The following SCFD1 variants were observed in gnomAD, a reference collection of about 807,000 sequenced individuals.
The protein encoded by SCFD1 is sec1 family domain-containing protein 1.
Under a neutral mutation model 103.2 loss-of-function variants are expected in SCFD1, and 37 were observed. The observed-to-expected ratio is 0.36, with a 90% CI of 0.28 to 0.47. The LOEUF (loss-of-function observed/expected upper bound fraction) is 0.47, where lower values mean the gene tolerates loss of function less well. Among genes scored for constraint, SCFD1 ranks in the 20% least tolerant of loss-of-function variants. The pLI, the probability that SCFD1 is intolerant of heterozygous loss-of-function variation, is 1.00. For synonymous variants in SCFD1, 264 were observed against 245.0 expected, an observed-to-expected ratio of 1.08 and a Z score of -0.73; for missense variants, 639 against 761.2, an observed-to-expected ratio of 0.84 and a Z score of 1.89.
intron 14 of SCFD1, among the ~76,000 whole-genome samples, chr14:30,694,222 A>G (rs935121598): frequency 6.6e-6 from 1 of 152,234 alleles, no homozygotes; most frequent in East Asian, 1.9e-4. Flanking sequence ...GTAACTAATT[A>G]ATACAATAAG....
intron 19 of SCFD1, among the ~76,000 whole-genome samples, chr14:30,714,644 A>C (rs924833394): frequency 6.6e-6 from 1 of 152,244 alleles, no homozygotes; most frequent in African/African-American, 2.4e-5. Context: ...GAAAATCCTT[A>C]TATAATAGTA....
At chr14:30,700,802 T>C (rs1199207685) in intron 16 of SCFD1, among the ~76,000 whole-genome samples, 2 of 152,272 alleles carry the variant, frequency 1.3e-5, no homozygotes, top group Non-Finnish European at 2.9e-5. Flanking sequence ...TTTTAAGTTG[T>C]TGGAATGTAA....
chr14:30,639,925 A>G, intron 6 of SCFD1, 61 bp downstream of exon 6: 6 of 1,492,942 alleles, frequency 4.0e-6, no homozygotes, highest in Non-Finnish European at 5.4e-6. Flanking sequence ...TACTGTAAGA[A>G]AAAAAGTGAA....
At chr14:30,731,738 T>G (rs1365829202) in intron 23 of SCFD1, among the ~76,000 whole-genome samples, 1 of 152,238 alleles carries the variant, frequency 6.6e-6, no homozygotes, top group African/African-American at 2.4e-5. Flanking sequence ...GCTTATCTGC[T>G]TAAGGAGATT....
In SCFD1 at chr14:30,644,828, CTTTAG is replaced by C. The variant is rs556387199; in HGVS notation, c.613+1428_613+1432del. On this transcript the variant is annotated intron_variant, in intron 7 of 24. Coordinates refer to ENST00000458591, the MANE Select transcript of SCFD1 (RefSeq NM_016106.4). The stretch of plus-strand genomic sequence containing the variant: ...TAGTTTGTTTTGCTGTGCAGAAGCT[CTTTAG>C]TTTAATTAGGTCCAATTTGTCTGTT... Among the ~76,000 whole-genome samples, 744 of 152,176 alleles carry C rather than the reference CTTTAG, an allele frequency of 4.9e-3. 1 individual carries two copies. Among genetic ancestry groups the C allele is most frequent in the Admixed American group, 6.6e-3 (101 of 15,278 alleles).
intron 4 of SCFD1, among the ~76,000 whole-genome samples, chr14:30,636,956 A>G (rs1234100060): frequency 2.0e-5 from 3 of 152,060 alleles, no homozygotes; most frequent in African/African-American, 2.4e-5. Flanking sequence ...CTGGCACAAT[A>G]AGATGTTCCA....
chr14:30,622,498 A>G (rs1420587504), intron 1 of SCFD1, 99 bp downstream of exon 1: 6 of 1,488,878 alleles, frequency 4.0e-6, no homozygotes, highest in Non-Finnish European at 5.4e-6. Flanking sequence ...CCAGGAGTTT[A>G]ATCCAGTCCC....
intron 11 of SCFD1, among the ~76,000 whole-genome samples, chr14:30,671,070 A>G (rs1366615772): frequency 1.3e-5 from 2 of 152,144 alleles, no homozygotes; most frequent in Non-Finnish European, 2.9e-5. Flanking sequence ...TGAAAATATG[A>G]TTTTTAAAAA....
chr14:30,728,856 T>TC (rs60812949), intron 23 of SCFD1, among the ~76,000 whole-genome samples: 3 of 138,062 alleles, frequency 2.2e-5, no homozygotes, highest in Admixed American at 7.2e-5. Flanking sequence ...TTTTTTTTTT[T>TC]CCCCCCGAGA....
intron 6 of SCFD1, among the ~76,000 whole-genome samples, chr14:30,641,480 A>C (rs1026473566): frequency 6.6e-6 from 1 of 152,168 alleles, no homozygotes; most frequent in African/African-American, 2.4e-5. Context: ...TTCCATGTAG[A>C]TTTTTCTAGT....
At chr14:30,634,475 G>A (rs1658861493) in intron 4 of SCFD1, among the ~76,000 whole-genome samples, 1 of 151,986 alleles carries the variant, frequency 6.6e-6, no homozygotes, top group Admixed American at 6.6e-5. Flanking sequence ...TCATAAATAT[G>A]TATGTATAGG....
chr14:30,637,655 T>C (rs1884863177), intron 4 of SCFD1, among the ~76,000 whole-genome samples: 1 of 152,194 alleles, frequency 6.6e-6, no homozygotes, highest in African/African-American at 2.4e-5. Flanking sequence ...AGAATTTGCA[T>C]AACTTAAATT....
intron 10 of SCFD1, 128 bp from the exon 11 acceptor site, chr14:30,670,128 A>C (rs1046757170): frequency 1.9e-5 from 13 of 697,720 alleles, no homozygotes; most frequent in Non-Finnish European, 3.1e-5. Context: ...ATGTAACAAA[A>C]GATTGGGAGG....
In SCFD1 at chr14:30,713,107, A is replaced by AT. The variant is rs908831682; in HGVS notation, c.1630-2809dup. On this transcript the variant is annotated intron_variant, in intron 19 of 24. Coordinates refer to ENST00000458591, the MANE Select transcript of SCFD1 (RefSeq NM_016106.4). ...GTAAATTATTCTAAATATATAATTG[A>AT]TTTTTTTTAATGATTAAGTCAATTC... Among the ~76,000 whole-genome samples the AT allele has an allele frequency of 8.5e-5, 13 of 152,170 alleles. 1 individual carries two copies. The highest frequency in any genetic ancestry group is 6.2e-4 in the South Asian group (3 of 4,814).
chr14:30,677,157 T>G (rs879875561), intron 14 of SCFD1, among the ~76,000 whole-genome samples: 3 of 152,188 alleles, frequency 2.0e-5, no homozygotes, highest in Admixed American at 2.0e-4. Context: ...AGATAGATTT[T>G]ATTTATTCAC....
At chr14:30,664,524 G>A (rs775031857) in intron 10 of SCFD1, among the ~76,000 whole-genome samples, 11 of 152,118 alleles carry the variant, frequency 7.2e-5, no homozygotes, top group South Asian at 4.1e-4. Flanking sequence ...CGCCAGCAAC[G>A]GAACAAAGCT....
chr14:30,730,007 G>T (rs544642332), intron 23 of SCFD1, among the ~76,000 whole-genome samples: 3 of 151,896 alleles, frequency 2.0e-5, no homozygotes, highest in Admixed American at 2.0e-4. Context: ...TTCTCTCCCC[G>T]CTTCCCTTAC....
At chr14:30,706,757 A>G (rs1277136682) in intron 18 of SCFD1, among the ~76,000 whole-genome samples, 1 of 152,156 alleles carries the variant, frequency 6.6e-6, no homozygotes, top group Non-Finnish European at 1.5e-5. Flanking sequence ...TACTTTTTAG[A>G]GCTAAAACAA....
intron 23 of SCFD1, among the ~76,000 whole-genome samples, chr14:30,732,253 T>C (rs933403171): frequency 1.3e-5 from 2 of 152,200 alleles, no homozygotes; most frequent in African/African-American, 4.8e-5. Flanking sequence ...ATGTTATCTA[T>C]TAATAGAGAT....
Sources: gnomAD v4.1 joint callset for allele counts (sites outside exome capture counted in the v4.1 genomes callset) on GRCh38, gnomAD v4.1.1 for gene constraint, MANE v1.5 for transcripts, NCBI Gene and HGNC (gene_info 2026-07-23, HGNC 2026-07-21) for gene names.